The following DPP10 variants were observed in gnomAD, a reference collection of about 807,000 sequenced individuals.
DPP10 encodes dipeptidyl peptidase like 10.
Under a neutral mutation model 120.9 loss-of-function variants are expected in DPP10, and 33 were observed. That is an observed-to-expected ratio of 0.27 (90% CI 0.21 to 0.37). DPP10 has a LOEUF of 0.37. DPP10 is among the 10% of genes least tolerant of loss of function. DPP10 has a pLI of 1.00. For synonymous variants in DPP10, 337 were observed against 326.1 expected (o/e 1.03, Z -0.36); for missense variants, 816 against 942.8 (o/e 0.87, Z 1.76).
intron 1 of DPP10, among the ~76,000 whole-genome samples, chr2:114,695,928 A>G (rs1419289590): frequency 3.3e-5 from 5 of 152,060 alleles, no homozygotes; most frequent in African/African-American, 4.8e-5. Flanking sequence ...TAATATTACC[A>G]TATTACAATG....
chr2:114,587,436 T>C (rs562184067), intron 1 of DPP10, among the ~76,000 whole-genome samples: 3 of 151,578 alleles, frequency 2.0e-5, no homozygotes, highest in Non-Finnish European at 2.9e-5. Flanking sequence ...TTAAACTGAT[T>C]TTTTTTTTCA....
chr2:115,392,687 A>G (rs2067399557), intron 3 of DPP10, among the ~76,000 whole-genome samples: 1 of 152,104 alleles, frequency 6.6e-6, no homozygotes, highest in Non-Finnish European at 1.5e-5. Context: ...TGTATTTAAT[A>G]TAGTTTGTAT....
intron 1 of DPP10, among the ~76,000 whole-genome samples, chr2:115,245,867 A>G (rs17355812): frequency 0.061 from 9,274 of 152,242 alleles, 331 homozygotes; most frequent in Middle Eastern, 0.11. Flanking sequence ...GACCAACATT[A>G]AAGTTTGGCA....
intron 1 of DPP10, among the ~76,000 whole-genome samples, chr2:114,622,680 T>G (rs1408951458): frequency 6.6e-6 from 1 of 152,112 alleles, no homozygotes; most frequent in Non-Finnish European, 1.5e-5. Flanking sequence ...GTCATTTATG[T>G]GTGTTGAGAG....
chr2:115,555,840 A>C (rs530785559), intron 5 of DPP10, among the ~76,000 whole-genome samples: 4 of 152,178 alleles, frequency 2.6e-5, no homozygotes, highest in African/African-American at 9.6e-5. Context: ...CGTATAACCT[A>C]TTACTGATGA....
intron 11 of DPP10, among the ~76,000 whole-genome samples, chr2:115,761,811 A>G (rs1219204116): frequency 6.6e-6 from 1 of 152,110 alleles, no homozygotes; most frequent in East Asian, 1.9e-4. Flanking sequence ...ACAATTTGAG[A>G]TGGGTACCTC....
intron 1 of DPP10, among the ~76,000 whole-genome samples, chr2:114,516,087 A>T (rs987026490): frequency 5.3e-5 from 8 of 152,168 alleles, no homozygotes; most frequent in African/African-American, 1.9e-4. Flanking sequence ...AGTGGATCTG[A>T]GGGAGCCCAA....
chr2:115,203,282 C>A (rs748189875), intron 1 of DPP10, among the ~76,000 whole-genome samples: 17 of 152,032 alleles, frequency 1.1e-4, no homozygotes, highest in Non-Finnish European at 2.4e-4. Flanking sequence ...CCCTCTCCAA[C>A]CTTATTTTTT....
intron 1 of DPP10, among the ~76,000 whole-genome samples, chr2:114,564,488 A>G (rs905609657): frequency 5.9e-5 from 9 of 152,124 alleles, no homozygotes; most frequent in Non-Finnish European, 1.3e-4. Context: ...TTAACAACTA[A>G]GGTTATTTAG....
chr2:115,579,082 A>C (rs2081861018), intron 5 of DPP10: 1 of 152,226 alleles, frequency 6.6e-6, no homozygotes, highest in Non-Finnish European at 1.5e-5. Context: ...CAAGTCACAC[A>C]ATTTTTACAT....
intron 1 of DPP10, among the ~76,000 whole-genome samples, chr2:114,929,430 G>T (rs531774869): frequency 2.0e-5 from 3 of 152,136 alleles, no homozygotes; most frequent in South Asian, 2.1e-4. Context: ...GTCTTCAACC[G>T]CATAAGACAG....
In DPP10 at chr2:114,571,211, A is replaced by C. The variant is rs2105015133; in HGVS notation, c.60+128373A>C. On this transcript the variant is annotated intron_variant, in intron 1 of 25. Transcript: ENST00000410059. ...GATGGGATCATGGAGGTGGTGTCTA[A>C]TGGGTTAGCACCATCCTCCTAGTGC... Among the ~76,000 whole-genome samples the C allele has an allele frequency of 3.3e-5, 5 of 152,198 alleles. 2 individuals carry two copies. Among genetic ancestry groups the C allele is most frequent in the Admixed American group, 3.3e-4 (5 of 15,294 alleles).
intron 1 of DPP10, among the ~76,000 whole-genome samples, chr2:114,862,285 A>T (rs10709540): frequency 2.0e-5 from 3 of 147,992 alleles, no homozygotes; most frequent in African/African-American, 2.5e-5. Flanking sequence ...AAAAAAAAAA[A>T]TAAAAAAGGA....
At chr2:115,379,160 C>T (rs1413392255) in intron 3 of DPP10, among the ~76,000 whole-genome samples, 2 of 152,142 alleles carry the variant, frequency 1.3e-5, no homozygotes, top group Non-Finnish European at 2.9e-5. Flanking sequence ...TGGTAGAATT[C>T]AGCTGTGAAT....
intron 5 of DPP10, among the ~76,000 whole-genome samples, chr2:115,558,337 CTGTACAT>C (rs1215031535): frequency 2.6e-5 from 4 of 152,164 alleles, no homozygotes; most frequent in Non-Finnish European, 5.9e-5. Context: ...GAAGGTAGCT[CTGTACAT>C]TGCAAGGACT....
chr2:115,752,444 A>T (rs900340839), intron 10 of DPP10, among the ~76,000 whole-genome samples: 6 of 152,222 alleles, frequency 3.9e-5, no homozygotes, highest in South Asian at 2.1e-4. Flanking sequence ...TTGGCCCCAT[A>T]AATTATATCT....
intron 5 of DPP10, among the ~76,000 whole-genome samples, chr2:115,544,335 T>G (rs866480413): frequency 6.6e-6 from 1 of 152,196 alleles, no homozygotes; most frequent in Middle Eastern, 3.4e-3. Context: ...TCAGCATATG[T>G]GTCCATGATT....
intron 1 of DPP10, among the ~76,000 whole-genome samples, chr2:115,166,524 A>AAC (rs2052870001): frequency 7.0e-6 from 1 of 142,138 alleles, no homozygotes; most frequent in Non-Finnish European, 1.5e-5. Flanking sequence ...TTATAATATA[A>AAC]ATATATATAT....
At chr2:115,792,933 T>C (rs1162677600) in intron 19 of DPP10, among the ~76,000 whole-genome samples, 2 of 152,180 alleles carry the variant, frequency 1.3e-5, no homozygotes, top group Non-Finnish European at 2.9e-5. Context: ...TGCAGACGAA[T>C]GTGTAGATAA....
Sources: gnomAD v4.1 joint callset for allele counts (sites outside exome capture counted in the v4.1 genomes callset) on GRCh38, gnomAD v4.1.1 for gene constraint, MANE v1.5 for transcripts, NCBI Gene and HGNC (gene_info 2026-07-23, HGNC 2026-07-21) for gene names.